NRXN3: variants seen among roughly 807,000 people sequenced by gnomAD.
NRXN3 encodes neurexin 3.
Under a neutral mutation model 137.6 loss-of-function variants are expected in NRXN3, and 32 were observed. The observed-to-expected ratio is 0.23, with a 90% CI of 0.18 to 0.31. NRXN3 has a LOEUF of 0.31. NRXN3 is among the 10% of genes least tolerant of loss of function. NRXN3 has a pLI of 1.00. For missense variants in NRXN3, 1,574 were observed against 2,062.5 expected, an observed-to-expected ratio of 0.76 and a Z score of 4.59; for synonymous variants, 798 against 784.5, an observed-to-expected ratio of 1.02 and a Z score of -0.29.
chr14:78,772,180 T>C (rs1327265388), intron 8 of NRXN3, among the ~76,000 whole-genome samples: 4 of 152,202 alleles, frequency 2.6e-5, no homozygotes, highest in Non-Finnish European at 5.9e-5. Context: ...TTAAGGATGC[T>C]CAACCTGTAT....
At chr14:79,810,297 T>A (rs538719179) in intron 20 of NRXN3, among the ~76,000 whole-genome samples, 1 of 152,218 alleles carries the variant, frequency 6.6e-6, no homozygotes, top group East Asian at 1.9e-4. Context: ...TTTTTCAGTT[T>A]GTCAAGTAGC....
chr14:79,695,154 T>C (rs1377829528), intron 18 of NRXN3, among the ~76,000 whole-genome samples: 3 of 151,956 alleles, frequency 2.0e-5, no homozygotes, highest in Admixed American at 6.6e-5. Flanking sequence ...GAGTGAATGA[T>C]GGCAACTGGA....
intron 16 of NRXN3, among the ~76,000 whole-genome samples, chr14:79,621,145 T>A (rs1251025991): frequency 6.6e-6 from 1 of 152,274 alleles, no homozygotes; most frequent in East Asian, 1.9e-4. Context: ...TATGAGGTAT[T>A]TTTGTGAATA....
intron 10 of NRXN3, among the ~76,000 whole-genome samples, chr14:78,942,815 G>A (rs978035252): frequency 6.6e-6 from 1 of 152,086 alleles, no homozygotes; most frequent in Non-Finnish European, 1.5e-5. Context: ...TGATGGATAT[G>A]CTAATCACCC....
intron 15 of NRXN3, among the ~76,000 whole-genome samples, chr14:79,098,097 C>G (rs2050667516): frequency 6.6e-6 from 1 of 152,146 alleles, no homozygotes; most frequent in South Asian, 2.1e-4. Context: ...TGAAAAGTCA[C>G]TTGGGAAGAT....
At chr14:78,700,080 G>T (rs984446698) in intron 6 of NRXN3, among the ~76,000 whole-genome samples, 2 of 152,098 alleles carry the variant, frequency 1.3e-5, no homozygotes, top group Admixed American at 6.5e-5. Flanking sequence ...CTCCAATTTT[G>T]ATATGAAAAA....
At chr14:79,343,768 T>A (rs1318827672) in intron 15 of NRXN3, among the ~76,000 whole-genome samples, 1 of 152,190 alleles carries the variant, frequency 6.6e-6, no homozygotes. Context: ...GAAGTTGGGT[T>A]GATATAGTTT....
intron 2 of NRXN3, among the ~76,000 whole-genome samples, chr14:78,247,677 C>T (rs757537387): frequency 2.0e-5 from 3 of 152,108 alleles, no homozygotes; most frequent in Middle Eastern, 3.2e-3. Flanking sequence ...TAGCTCAGCC[C>T]GTCCTGTTAT....
At chr14:78,266,814 A>T (rs1305311481) in intron 2 of NRXN3, among the ~76,000 whole-genome samples, 1 of 150,450 alleles carries the variant, frequency 6.6e-6, no homozygotes. Flanking sequence ...AACCTTGCTT[A>T]TTTTTTTTTA....
At position 79,435,593 on chromosome 14, in the gene NRXN3, T is replaced by TACACACACACACACACAC. The variant is rs35554281; in HGVS notation, c.3263-31608_3263-31591dup. Among the ~76,000 whole-genome samples the TACACACACACACACACAC allele has an allele frequency of 9.0e-5, 13 of 143,922 alleles. No homozygotes were observed. The East Asian group carries it at 1.5e-3, about 16-fold the overall frequency. 94.4% of individuals were successfully genotyped at this position (143,922 alleles called of 152,430 possible). Reference sequence around the variant, plus strand: ...TTGGCAAGGATGTAGAACACTAAGATACACACACACACACACACACACACA... The same window carrying TACACACACACACACACAC: ...TTGGCAAGGATGTAGAACACTAAGATACACACACACACACACACACACACACACACACACACACACACA... On this transcript the variant is annotated intron_variant, in intron 15 of 20. Coordinates refer to ENST00000335750, the MANE Select transcript of NRXN3 (RefSeq NM_001330195.2).
At chr14:78,706,286 A>G (rs1418948218) in intron 6 of NRXN3, among the ~76,000 whole-genome samples, 1 of 152,202 alleles carries the variant, frequency 6.6e-6, no homozygotes, top group Non-Finnish European at 1.5e-5. Flanking sequence ...TAGAAAGGAG[A>G]AGCTGACACT....
In NRXN3 at chr14:78,560,953, C is replaced by T. The variant is rs112085987; in HGVS notation, c.758-84167C>T. Among the ~76,000 whole-genome samples the T allele has an allele frequency of 5.9e-4, 90 of 152,262 alleles. 1 individual carries two copies. The highest frequency in any genetic ancestry group is 1.9e-3 in the African/African-American group (80 of 41,558). On this transcript the variant is annotated intron_variant, in intron 4 of 20. Transcript: ENST00000335750. ...AGGGATGTTTTTCAGGATGCTTTTT[C>T]GCATCATGGTGATTGTATTAGTCAG... is the stretch of plus-strand genomic sequence containing the variant.
chr14:79,808,268 ATATATATGTATGTATG>A (rs1470493187), intron 20 of NRXN3, among the ~76,000 whole-genome samples: 16 of 144,040 alleles, frequency 1.1e-4, no homozygotes, highest in Admixed American at 4.8e-4. Context: ...ATATATATAT[ATATATATGTATGTATG>A]TATGTATGTA....
At chr14:79,767,991 T>A (rs1347186017) in intron 19 of NRXN3, among the ~76,000 whole-genome samples, 1 of 152,184 alleles carries the variant, frequency 6.6e-6, no homozygotes, top group Non-Finnish European at 1.5e-5. Flanking sequence ...TTCCCTTTCC[T>A]AGTCAAAGAA....
At chr14:79,438,374 A>G (rs1397519663) in intron 15 of NRXN3, among the ~76,000 whole-genome samples, 1 of 152,222 alleles carries the variant, frequency 6.6e-6, no homozygotes, top group Non-Finnish European at 1.5e-5. Flanking sequence ...GTTAGGGTAA[A>G]TAGAGGAGGA....
At chr14:79,405,349 G>A (rs1042422347) in intron 15 of NRXN3, among the ~76,000 whole-genome samples, 15 of 152,128 alleles carry the variant, frequency 9.9e-5, no homozygotes, top group African/African-American at 3.6e-4. Flanking sequence ...AAGACTAACT[G>A]TGTGCACTGG....
chr14:78,199,142 G>A (rs574605558), intron 1 of NRXN3, among the ~76,000 whole-genome samples: 39 of 152,308 alleles, frequency 2.6e-4, no homozygotes, highest in African/African-American at 8.9e-4. Context: ...GAAAACATCA[G>A]GAGAGGCCTC....
chr14:78,391,491 C>T (rs2090767095), intron 4 of NRXN3, among the ~76,000 whole-genome samples: 1 of 152,062 alleles, frequency 6.6e-6, no homozygotes, highest in Non-Finnish European at 1.5e-5. Flanking sequence ...AGACCACTCA[C>T]TCAAGCCTGT....
At chr14:79,536,923 T>C (rs888038460) in intron 16 of NRXN3, among the ~76,000 whole-genome samples, 1 of 152,204 alleles carries the variant, frequency 6.6e-6, no homozygotes, top group Admixed American at 6.5e-5. Flanking sequence ...TGAACATATG[T>C]GTGCATGTAT....
Sources: allele counts gnomAD v4.1 joint callset (sites outside exome capture counted in the v4.1 genomes callset), GRCh38; gene constraint gnomAD v4.1.1; transcripts MANE v1.5; gene names NCBI Gene and HGNC (gene_info 2026-07-23, HGNC 2026-07-21).